The following ZNF41 variants were observed in gnomAD, a reference collection of about 807,000 sequenced individuals.
ZNF41 encodes the protein zinc finger protein 41.
ZNF41 carries 6 observed loss-of-function variants against 9.3 expected under a neutral mutation model. The observed-to-expected ratio is 0.65, with a 90% CI of 0.35 to 1.28. The LOEUF is 1.28. ZNF41 is among the 50% of genes most tolerant of loss of function. The pLI is 0.03. For missense variants in ZNF41, 523 were observed against 585.8 expected (o/e 0.89, Z 1.11); for synonymous variants, 192 against 207.1 (o/e 0.93, Z 0.63).
chrX:47,462,899 T>C (rs1403580299), intron 2 of ZNF41, among the ~76,000 whole-genome samples: 3 of 102,040 alleles, frequency 2.9e-5, no homozygotes, highest in Non-Finnish European at 5.9e-5. Context: ...CGGCTGATTT[T>C]TTTTTTGTAT....
intron 1 of ZNF41, among the ~76,000 whole-genome samples, chrX:47,476,490 A>G (rs899530124): frequency 3.6e-5 from 4 of 112,077 alleles, no homozygotes; most frequent in African/African-American, 1.3e-4. Context: ...AGACAATTCA[A>G]TTTAAAAATA....
At chrX:47,450,506 G>A (rs962924268) in intron 4 of ZNF41, among the ~76,000 whole-genome samples, 2 of 110,960 alleles carry the variant, frequency 1.8e-5, no homozygotes. Context: ...CCACCGTGCC[G>A]GCCCCAGCTG....
intron 1 of ZNF41, among the ~76,000 whole-genome samples, chrX:47,470,957 C>T (rs1023670216): frequency 6.3e-5 from 7 of 111,017 alleles, no homozygotes; most frequent in African/African-American, 2.3e-4. Flanking sequence ...CACACCATAT[C>T]GTTGATCATT....
chrX:47,454,485 G>T (rs1275259225), intron 4 of ZNF41, among the ~76,000 whole-genome samples: 4 of 111,684 alleles, frequency 3.6e-5, no homozygotes, highest in African/African-American at 1.3e-4. Context: ...ATAATATGGT[G>T]GTACTCAGTC....
intron 4 of ZNF41, among the ~76,000 whole-genome samples, chrX:47,450,489 C>T (rs1422409691): frequency 9.0e-6 from 1 of 111,309 alleles, no homozygotes; most frequent in Non-Finnish European, 1.9e-5. Flanking sequence ...GGAATTACAG[C>T]TGTGAGCCAC....
chrX:47,456,497 T>A (rs2056571002), intron 2 of ZNF41, 99 bp from the exon 3 acceptor site: 3 of 1,124,233 alleles, frequency 2.7e-6, no homozygotes, highest in Admixed American at 4.8e-5. Context: ...CCATAATGTA[T>A]CATGTAGGGT....
At chrX:47,450,407 C>T (rs990816205) in intron 4 of ZNF41, among the ~76,000 whole-genome samples, 5 of 110,544 alleles carry the variant, frequency 4.5e-5, no homozygotes, top group Admixed American at 2.0e-4. Flanking sequence ...GACGGGGTTA[C>T]ACCATGTTGG....
intron 4 of ZNF41, among the ~76,000 whole-genome samples, chrX:47,455,270 T>G: frequency 1.4e-5 from 1 of 72,041 alleles, no homozygotes; most frequent in South Asian, 7.4e-4. Flanking sequence ...TAAATAAAAA[T>G]AAAAATTAAA....
chrX:47,453,180 C>T (rs944136953), intron 4 of ZNF41, among the ~76,000 whole-genome samples: 2 of 111,551 alleles, frequency 1.8e-5, no homozygotes, highest in Admixed American at 9.6e-5. Flanking sequence ...CCTCCCGCCT[C>T]GGCCTTCCAA....
chrX:47,448,761 T>C lies in ZNF41; in HGVS notation c.1009A>G (p.Thr337Ala), dbSNP rs2056232557. Reference protein sequence around the residue: ...YLCTQCGKVFTLKSNLITHQK... With the variant: ...YLCTQCGKVFALKSNLITHQK... The stretch of plus-strand genomic sequence containing the variant: ...TGTGTAATGAGGTTTGATTTGAGGG[T>C]AAAGACTTTCCCACATTGAGTACAC... The change falls in exon 5 of 5, where the codon ACC becomes GCC. Residue 337 changes from threonine to alanine, a missense_variant. Coordinates refer to ENST00000684689, the MANE Select transcript of ZNF41 (RefSeq NM_001324144.2). 8.3e-7 allele frequency: 1 copy of C among 1,210,042 alleles called. No homozygotes were observed. The highest frequency in any genetic ancestry group is 1.7e-5 in the African/African-American group (1 of 57,205).
chrX:47,478,806 G>A (rs1465427543), intron 1 of ZNF41, among the ~76,000 whole-genome samples: 1 of 109,504 alleles, frequency 9.1e-6, no homozygotes, highest in African/African-American at 3.3e-5. Flanking sequence ...GGTGGCAGGC[G>A]CCTGTAATCG....
At chrX:47,482,451 A>G (rs2057499074) in intron 1 of ZNF41, 1 of 112,561 alleles carries the variant, frequency 8.9e-6, no homozygotes, top group South Asian at 3.6e-4. Context: ...TCCGTCTGTT[A>G]AACTCACTCC....
At chrX:47,482,654 A>T (rs1255842425) in intron 1 of ZNF41, 1 of 112,845 alleles carries the variant, frequency 8.9e-6, no homozygotes, top group Non-Finnish European at 1.9e-5. Context: ...AATTTCCTTC[A>T]GTGACTCTCA....
At chrX:47,463,841 C>A (rs1387975095) in intron 2 of ZNF41, among the ~76,000 whole-genome samples, 1 of 111,566 alleles carries the variant, frequency 9.0e-6, no homozygotes, top group African/African-American at 3.3e-5. Flanking sequence ...TCTGCCCATT[C>A]TACAGCCTCA....
chrX:47,448,313 T>C lies in ZNF41; in HGVS notation c.1457A>G (p.Gln486Arg). 3 of 1,211,458 alleles carry C rather than the reference T, an allele frequency of 2.5e-6. No individual in the cohort carries two copies. The highest frequency in any genetic ancestry group is 3.4e-6 in the Non-Finnish European group (3 of 895,293). Residue 486 changes from glutamine to arginine, a missense_variant, in exon 5 of 5, where the codon CAA becomes CGA. Gln to Arg is a conservative substitution (Grantham distance 43). Transcript: ENST00000684689. ...GGGTTTCTCTCCGGTGTGAATTCTTTGATGCACATGGAGTTGTGACTTCTT... is the reference window on the plus strand; with the variant it reads ...GGGTTTCTCTCCGGTGTGAATTCTTCGATGCACATGGAGTTGTGACTTCTT... ...FTKKSQLHVH[Q>R]RIHTGEKPYI...
chrX:47,456,569 C>A (rs1347228054), intron 2 of ZNF41, 171 bp from the exon 3 acceptor site: 2 of 632,108 alleles, frequency 3.2e-6, no homozygotes, highest in Non-Finnish European at 4.7e-6. Flanking sequence ...ATTAAAGTAT[C>A]TTGACATTTG....
chrX:47,470,095 G>A (rs1008611214), intron 1 of ZNF41, among the ~76,000 whole-genome samples: 1 of 110,661 alleles, frequency 9.0e-6, no homozygotes, highest in East Asian at 2.8e-4. Flanking sequence ...AAATTCAAAA[G>A]TAATAAAAAC....
At chrX:47,466,202 A>AG in intron 2 of ZNF41, among the ~76,000 whole-genome samples, 1 of 110,503 alleles carries the variant, frequency 9.0e-6, no homozygotes, top group East Asian at 2.8e-4. Context: ...AATGACCAAA[A>AG]AAAAAAATTT....
intron 2 of ZNF41, among the ~76,000 whole-genome samples, chrX:47,467,131 C>G (rs763834281): frequency 8.9e-6 from 1 of 111,886 alleles, no homozygotes; most frequent in East Asian, 2.8e-4. Context: ...GCTGCCCCCA[C>G]TCCCTAGGCT....
Sources: allele counts gnomAD v4.1 joint callset (sites outside exome capture counted in the v4.1 genomes callset), GRCh38; gene constraint gnomAD v4.1.1; transcripts MANE v1.5; gene names NCBI Gene and HGNC (gene_info 2026-07-23, HGNC 2026-07-21).